The following NRXN1 variants were observed in gnomAD, a reference collection of about 807,000 sequenced individuals.
The protein encoded by NRXN1 is neurexin-1.
NRXN1 carries 39 observed loss-of-function variants against 150.9 expected under a neutral mutation model. The observed-to-expected ratio is 0.26, with a 90% CI of 0.20 to 0.34. The LOEUF (loss-of-function observed/expected upper bound fraction) is 0.34. NRXN1 is among the 10% of genes least tolerant of loss of function. The pLI is 1.00. For missense variants in NRXN1, 1,815 were observed against 1,949.9 expected (o/e 0.93, Z 1.30); for synonymous variants, 924 against 757.0 (o/e 1.22, Z -3.62).
At chr2:50,287,169 C>G (rs1715998) in intron 17 of NRXN1, among the ~76,000 whole-genome samples, 127,899 of 152,116 alleles carry the variant, frequency 0.84, 53,979 homozygotes, top group African/African-American at 0.9. Flanking sequence ...AAGCTACTTA[C>G]GTTCAGTGCT....
chr2:50,043,115 C>T (rs549419381), intron 21 of NRXN1, among the ~76,000 whole-genome samples: 2 of 152,112 alleles, frequency 1.3e-5, no homozygotes, highest in African/African-American at 4.8e-5. Flanking sequence ...AGACTAGATT[C>T]TTTATACATG....
At chr2:49,949,508 T>A (rs972029159) in intron 21 of NRXN1, among the ~76,000 whole-genome samples, 3 of 152,072 alleles carry the variant, frequency 2.0e-5, no homozygotes, top group Non-Finnish European at 2.9e-5. Context: ...TATATTCCAA[T>A]GAAGACGCTT....
chr2:50,929,049 G>A (rs147940898), intron 2 of NRXN1, among the ~76,000 whole-genome samples: 9 of 152,162 alleles, frequency 5.9e-5, no homozygotes, highest in African/African-American at 2.2e-4. Flanking sequence ...TATCAATCAT[G>A]CTATGAATAA....
chr2:50,266,536 TACACACACACAC>T (rs67570666), intron 17 of NRXN1, among the ~76,000 whole-genome samples: 8 of 112,800 alleles, frequency 7.1e-5, no homozygotes, highest in South Asian at 2.8e-4. Context: ...TGTATATAAA[TACACACACACAC>T]ACACACACAC....
At chr2:50,895,729 C>T (rs1018040612) in intron 5 of NRXN1, among the ~76,000 whole-genome samples, 27 of 151,492 alleles carry the variant, frequency 1.8e-4, no homozygotes, top group African/African-American at 3.2e-4. Flanking sequence ...TACAGGAGTG[C>T]GCCACCACGC....
At chr2:50,730,366 C>T (rs532859346) in intron 5 of NRXN1, among the ~76,000 whole-genome samples, 1 of 152,168 alleles carries the variant, frequency 6.6e-6, no homozygotes, top group South Asian at 2.1e-4. Flanking sequence ...AATACCATGT[C>T]TCCAGAAACT....
chr2:50,322,503 G>A (rs981733675), intron 17 of NRXN1, among the ~76,000 whole-genome samples: 10 of 152,060 alleles, frequency 6.6e-5, no homozygotes, highest in African/African-American at 2.4e-4. Flanking sequence ...CTTAGACAAG[G>A]AATTTTTCAG....
intron 12 of NRXN1, among the ~76,000 whole-genome samples, chr2:50,527,515 C>T (rs1486720504): frequency 6.6e-6 from 1 of 152,194 alleles, no homozygotes; most frequent in African/African-American, 2.4e-5. Context: ...AGTCATCATT[C>T]TGTTACTTTT....
chr2:50,877,907 A>G (rs1237388235), intron 5 of NRXN1, among the ~76,000 whole-genome samples: 4 of 151,976 alleles, frequency 2.6e-5, no homozygotes, highest in Non-Finnish European at 5.9e-5. Context: ...CCATATAGGC[A>G]TTCCATAAAT....
intron 18 of NRXN1, among the ~76,000 whole-genome samples, chr2:50,109,630 A>C (rs1364691132): frequency 1.3e-5 from 2 of 152,106 alleles, no homozygotes; most frequent in Non-Finnish European, 2.9e-5. Flanking sequence ...AAAAGAAAAC[A>C]ACCAAATCTG....
intron 17 of NRXN1, among the ~76,000 whole-genome samples, chr2:50,458,708 T>G (rs2087848017): frequency 6.6e-6 from 1 of 152,000 alleles, no homozygotes; most frequent in South Asian, 2.1e-4. Context: ...GCCTCCTGAG[T>G]AGCTGGAATT....
At chr2:49,969,733 A>C (rs548218501) in intron 21 of NRXN1, 1 of 152,144 alleles carries the variant, frequency 6.6e-6, no homozygotes, top group Admixed American at 6.6e-5. Flanking sequence ...GAATGGGTGC[A>C]TTCAGGGTGG....
At chr2:50,992,792 G>T (rs1471369233) in intron 2 of NRXN1, among the ~76,000 whole-genome samples, 1 of 151,864 alleles carries the variant, frequency 6.6e-6, no homozygotes, top group African/African-American at 2.4e-5. Flanking sequence ...GTGATGCATG[G>T]GGAGAGAATA....
chr2:50,069,583 A>T (rs1407576307), intron 19 of NRXN1, among the ~76,000 whole-genome samples: 1 of 152,198 alleles, frequency 6.6e-6, no homozygotes, highest in Non-Finnish European at 1.5e-5. Flanking sequence ...TTTAAAACTA[A>T]CTTATGGTGC....
intron 17 of NRXN1, among the ~76,000 whole-genome samples, chr2:50,374,343 T>C (rs1482542381): frequency 7.9e-6 from 1 of 126,056 alleles, no homozygotes; most frequent in Non-Finnish European, 1.7e-5. Flanking sequence ...ATAAATAAAA[T>C]TGGGTGATGA....
At chr2:50,922,407 T>C (rs1205289949) in intron 4 of NRXN1, 1 of 586,050 alleles carries the variant, frequency 1.7e-6, no homozygotes, top group South Asian at 2.0e-5. Flanking sequence ...TCACAATTTC[T>C]TATGTCTCAT....
chr2:50,796,185 A>G (rs1303332553), intron 5 of NRXN1, among the ~76,000 whole-genome samples: 4 of 152,208 alleles, frequency 2.6e-5, no homozygotes, highest in Admixed American at 2.0e-4. Flanking sequence ...AGCCATGTTA[A>G]GCATGTTCAA....
At chr2:50,163,511 G>T (rs2059493122) in intron 18 of NRXN1, among the ~76,000 whole-genome samples, 1 of 152,030 alleles carries the variant, frequency 6.6e-6, no homozygotes, top group South Asian at 2.1e-4. Context: ...TCTATTTTGA[G>T]CCTTCTTGGC....
rs187294976 is a variant in NRXN1, at chr2:50,008,391, G to A, written c.4128+44880C>T. ...GAAAGGGCCTTGTTTGCTAAGTTTG[G>A]GGAAATACAAAAAGCTTGGCAGTCA... is the stretch of plus-strand genomic sequence containing the variant. On this transcript the variant is annotated intron_variant, in intron 21 of 22. Transcript: ENST00000401669. Among the ~76,000 whole-genome samples the A allele has an allele frequency of 2.3e-3, 356 of 151,978 alleles. 1 individual carries two copies. Among genetic ancestry groups the A allele is most frequent in the Middle Eastern group, 6.8e-3 (2 of 292 alleles).
Sources: gnomAD v4.1 joint callset for allele counts (sites outside exome capture counted in the v4.1 genomes callset) on GRCh38, gnomAD v4.1.1 for gene constraint, MANE v1.5 for transcripts, NCBI Gene and HGNC (gene_info 2026-07-23, HGNC 2026-07-21) for gene names.